Variants in CADM2 observed in about 807,000 individuals in gnomAD.
CADM2 encodes the protein immunoglobulin superfamily member 4D.
CADM2 carries 12 observed loss-of-function variants against 49.8 expected under a neutral mutation model. The observed-to-expected ratio is 0.24, with a 90% CI of 0.15 to 0.39. The LOEUF is 0.39. CADM2 is among the 10% of genes least tolerant of loss of function. The probability of loss-of-function intolerance (pLI) is 1.00; values close to 1 mark genes in which losing one functional copy is unlikely to be tolerated. For synonymous variants in CADM2, 214 were observed against 175.4 expected (o/e 1.22, Z -1.74); for missense variants, 378 against 492.3 (o/e 0.77, Z 2.20).
intron 1 of CADM2, among the ~76,000 whole-genome samples, chr3:85,558,387 G>A (rs1440986222): frequency 6.6e-6 from 1 of 151,892 alleles, no homozygotes. Context: ...TAATTATCGT[G>A]TTGATTCTGT....
chr3:86,054,410 T>TTAA (rs1275180927), intron 8 of CADM2, among the ~76,000 whole-genome samples: 2 of 152,124 alleles, frequency 1.3e-5, no homozygotes, highest in Non-Finnish European at 2.9e-5. Flanking sequence ...TTTAAAAATA[T>TTAA]ATTTTAGTAG....
chr3:85,068,471 T>G (rs907826177), intron 1 of CADM2, among the ~76,000 whole-genome samples: 43 of 152,254 alleles, frequency 2.8e-4, no homozygotes, highest in African/African-American at 1.0e-3. Context: ...GGTTGAAGTT[T>G]AAACTGGAAA....
At chr3:86,013,064 T>A in intron 8 of CADM2, 1 of 1,276,398 alleles carries the variant, frequency 7.8e-7, no homozygotes, top group Non-Finnish European at 1.1e-6. Flanking sequence ...CTAGTCCTTA[T>A]AGGACAGTTC....
At chr3:85,594,102 A>G (rs1425156932) in intron 1 of CADM2, among the ~76,000 whole-genome samples, 4 of 151,988 alleles carry the variant, frequency 2.6e-5, no homozygotes, top group Non-Finnish European at 5.9e-5. Flanking sequence ...AGTAATTATA[A>G]TATCAGTTTT....
chr3:85,307,493 A>G lies in CADM2; in HGVS notation c.61+347825A>G, dbSNP rs140326988. 7.0e-3 allele frequency among the ~76,000 whole-genome samples: 1,057 copies of G among 151,900 alleles called. 9 individuals are homozygous for G. The highest frequency in any genetic ancestry group is 0.023 in the African/African-American group (970 of 41,528). ...TTTTAAACATTTTATTTTAATCTCT[A>G]TAAATGAAATACAATGACAAAAACT... On this transcript the variant is annotated intron_variant, in intron 1 of 9. Transcript: ENST00000383699.
intron 1 of CADM2, among the ~76,000 whole-genome samples, chr3:85,502,691 T>G (rs1316229381): frequency 6.6e-6 from 1 of 152,150 alleles, no homozygotes; most frequent in East Asian, 1.9e-4. Context: ...TACCTTATTA[T>G]AGCTGCTCGC....
chr3:85,282,349 C>A (rs1453425311), intron 1 of CADM2, among the ~76,000 whole-genome samples: 1 of 149,316 alleles, frequency 6.7e-6, no homozygotes. Flanking sequence ...GCAACCTCCA[C>A]CTCTCTGGGT....
At chr3:85,883,175 G>A in intron 3 of CADM2, 116 bp from the exon 4 acceptor site, 1 of 743,496 alleles carries the variant, frequency 1.3e-6, no homozygotes, top group Non-Finnish European at 2.0e-6. Flanking sequence ...CAAGAAATAA[G>A]ATTTGAATGT....
intron 1 of CADM2, among the ~76,000 whole-genome samples, chr3:85,599,706 T>A (rs1030907646): frequency 4.0e-5 from 6 of 151,826 alleles, no homozygotes; most frequent in Admixed American, 2.6e-4. Flanking sequence ...TTATGTCAAA[T>A]TTATAAAAAT....
At chr3:86,042,119 G>T (rs1313751548) in intron 8 of CADM2, among the ~76,000 whole-genome samples, 1 of 152,156 alleles carries the variant, frequency 6.6e-6, no homozygotes, top group Admixed American at 6.5e-5. Flanking sequence ...GCCCACAGGA[G>T]AAAGCAGGAA....
chr3:85,243,810 C>A (rs1353201563), intron 1 of CADM2, among the ~76,000 whole-genome samples: 1 of 151,856 alleles, frequency 6.6e-6, no homozygotes, highest in Non-Finnish European at 1.5e-5. Context: ...TTTTCATGAT[C>A]CTCTTTTCCC....
chr3:85,335,618 G>C (rs946263684), intron 1 of CADM2, among the ~76,000 whole-genome samples: 3 of 151,028 alleles, frequency 2.0e-5, no homozygotes, highest in African/African-American at 7.3e-5. Flanking sequence ...TATACAATAT[G>C]TTATTGGTTT....
intron 8 of CADM2, among the ~76,000 whole-genome samples, chr3:86,031,333 T>G (rs1734534383): frequency 1.3e-5 from 2 of 151,768 alleles, no homozygotes; most frequent in Admixed American, 1.3e-4. Context: ...AATTAAAATT[T>G]CAAATTATAA....
intron 1 of CADM2, among the ~76,000 whole-genome samples, chr3:85,297,057 A>G (rs1389291879): frequency 6.6e-6 from 1 of 152,062 alleles, no homozygotes; most frequent in Non-Finnish European, 1.5e-5. Flanking sequence ...CAGAGACACT[A>G]TCTTATAAAT....
intron 1 of CADM2, among the ~76,000 whole-genome samples, chr3:85,672,283 C>T (rs903217290): frequency 1.3e-5 from 2 of 150,090 alleles, no homozygotes; most frequent in African/African-American, 4.9e-5. Context: ...AGCTCCGCCT[C>T]CCGGGTTCAC....
chr3:85,488,295 C>A (rs934383969), intron 1 of CADM2, among the ~76,000 whole-genome samples: 5 of 152,078 alleles, frequency 3.3e-5, no homozygotes, highest in Admixed American at 3.3e-4. Context: ...TGTCCCAATT[C>A]TGAGTATTTG....
intron 3 of CADM2, among the ~76,000 whole-genome samples, chr3:85,849,162 G>C (rs906885867): frequency 6.6e-6 from 1 of 152,096 alleles, no homozygotes; most frequent in Non-Finnish European, 1.5e-5. Context: ...TCACAGTTGT[G>C]TTACATAAAT....
At chr3:85,791,828 A>G (rs185962816) in intron 2 of CADM2, among the ~76,000 whole-genome samples, 175 of 152,156 alleles carry the variant, frequency 1.2e-3, no homozygotes, top group African/African-American at 3.8e-3. Context: ...GGTTCACGCC[A>G]TTCTCCTGCC....
intron 2 of CADM2, among the ~76,000 whole-genome samples, chr3:85,762,665 T>A (rs1295959453): frequency 6.6e-6 from 1 of 151,648 alleles, no homozygotes; most frequent in Non-Finnish European, 1.5e-5. Flanking sequence ...TTTGTTCTTT[T>A]CATTTTTACC....
Sources: allele counts gnomAD v4.1 joint callset (sites outside exome capture counted in the v4.1 genomes callset), GRCh38; gene constraint gnomAD v4.1.1; transcripts MANE v1.5; gene names NCBI Gene and HGNC (gene_info 2026-07-23, HGNC 2026-07-21).